Variants in TRPC7 observed in about 807,000 individuals in gnomAD.
The protein encoded by TRPC7 is transient receptor potential cation channel subfamily C member 7, also known as short transient receptor potential channel 7.
In TRPC7, 42 loss-of-function variants were observed where a neutral mutation model predicts 90.1. The observed-to-expected ratio is 0.47, with a 90% CI of 0.36 to 0.60. TRPC7 has a LOEUF of 0.60. Among genes scored for constraint, TRPC7 ranks in the 20% least tolerant of loss-of-function variants. The pLI, the probability that TRPC7 is intolerant of heterozygous loss-of-function variation, is 0.00. For synonymous variants in TRPC7, 451 were observed against 436.3 expected, an observed-to-expected ratio of 1.03 and a Z score of -0.42; for missense variants, 955 against 1,112.3, an observed-to-expected ratio of 0.86 and a Z score of 2.01.
intron 10 of TRPC7, among the ~76,000 whole-genome samples, chr5:136,224,860 T>A (rs1755577500): frequency 6.6e-6 from 1 of 152,226 alleles, no homozygotes; most frequent in Non-Finnish European, 1.5e-5. Context: ...GAAGGCCATA[T>A]ATGGCTGCCT....
intron 2 of TRPC7, among the ~76,000 whole-genome samples, chr5:136,318,158 T>A (rs1381450138): frequency 6.6e-6 from 1 of 152,194 alleles, no homozygotes; most frequent in Non-Finnish European, 1.5e-5. Context: ...TGAACATCTC[T>A]TGGGAATTGT....
intron 3 of TRPC7, among the ~76,000 whole-genome samples, chr5:136,306,217 C>A (rs1246516508): frequency 6.6e-6 from 1 of 152,184 alleles, no homozygotes; most frequent in Non-Finnish European, 1.5e-5. Context: ...GCTGGCAGGA[C>A]TATGCTGAAT....
chr5:136,339,801 C>G (rs1759785188), intron 2 of TRPC7, among the ~76,000 whole-genome samples: 1 of 151,978 alleles, frequency 6.6e-6, no homozygotes, highest in African/African-American at 2.4e-5. Flanking sequence ...TCCTGTCCTT[C>G]TGCTCAGCAG....
intron 2 of TRPC7, among the ~76,000 whole-genome samples, chr5:136,327,135 C>A (rs112427305): frequency 1.3e-5 from 2 of 152,098 alleles, no homozygotes; most frequent in African/African-American, 4.8e-5. Context: ...ACTGAGCCAG[C>A]GTGTTGGAAT....
rs1301320563 is a variant in TRPC7 at position 136,231,690 on chromosome 5, G to C, written c.1845-141C>G. On this transcript the variant is annotated intron_variant, in intron 7 of 11. Transcript: ENST00000513104. ...CTCAATCATGGCTCACTCTAGCCCT[G>C]ACCTCCTGGACTCAAGCAATTCTCC... is the stretch of plus-strand genomic sequence containing the variant. 1.7e-5 allele frequency: 12 copies of C among 720,130 alleles called. No homozygotes were observed. In the East Asian group the frequency reaches 3.1e-4, roughly 18 times the overall value. 44.6% of individuals were successfully genotyped at this position (720,130 alleles called of 1,614,324 possible). A position where few individuals can be genotyped will look rare whatever the true frequency, so the allele number is the denominator to read the frequency against.
intron 1 of TRPC7, 35 bp from the exon 2 acceptor site, chr5:136,357,420 C>T: frequency 6.5e-7 from 1 of 1,549,164 alleles, no homozygotes; most frequent in Non-Finnish European, 8.7e-7. Context: ...TGTTACTTTC[C>T]TGCGGATTCC....
chr5:136,326,904 T>C (rs893115364), intron 2 of TRPC7, among the ~76,000 whole-genome samples: 2 of 152,074 alleles, frequency 1.3e-5, no homozygotes, highest in Non-Finnish European at 2.9e-5. Context: ...AAAAGATGGC[T>C]TGATCAGTTC....
intron 3 of TRPC7, among the ~76,000 whole-genome samples, chr5:136,279,830 CCT>C (rs1202700011): frequency 1.3e-5 from 2 of 152,186 alleles, no homozygotes; most frequent in Admixed American, 6.5e-5. Flanking sequence ...GTAGCCACCC[CCT>C]GTCTATGTTC....
intron 2 of TRPC7, among the ~76,000 whole-genome samples, chr5:136,348,015 A>G (rs1760065696): frequency 6.6e-6 from 1 of 152,196 alleles, no homozygotes; most frequent in Non-Finnish European, 1.5e-5. Context: ...TTCTGCATTC[A>G]TATGTCACTC....
chr5:136,365,434 T>G lies in TRPC7; in HGVS notation c.-180A>C. 2 of 635,972 alleles carry G rather than the reference T, an allele frequency of 3.1e-6. No homozygotes were observed. Among genetic ancestry groups the G allele is most frequent in the East Asian group, 5.5e-5 (2 of 36,552 alleles). 39.4% of individuals were successfully genotyped at this position (635,972 alleles called of 1,614,324 possible). A position where few individuals can be genotyped will look rare whatever the true frequency, so the allele number is the denominator to read the frequency against. ...TGTGAAAGCGCGCTCCTCTGTTCTT[T>G]GTGTTGCAGTGGTAAAAACTCGCCT... On this transcript the variant is annotated 5_prime_UTR_variant, in exon 1 of 12. Transcript: ENST00000513104.
chr5:136,318,844 G>GT (rs373924272), intron 2 of TRPC7, among the ~76,000 whole-genome samples: 137 of 148,434 alleles, frequency 9.2e-4, no homozygotes, highest in East Asian at 4.3e-3. Context: ...TTTCACTGTT[G>GT]TTTTTTTTTT....
intron 3 of TRPC7, among the ~76,000 whole-genome samples, chr5:136,312,672 A>G (rs1463559721): frequency 6.6e-6 from 1 of 152,170 alleles, no homozygotes; most frequent in African/African-American, 2.4e-5. Flanking sequence ...CCCTTGAACC[A>G]TGGTGGGTGA....
At chr5:136,216,417 G>A in intron 10 of TRPC7, 142 bp from the exon 11 acceptor site, 1 of 688,104 alleles carries the variant, frequency 1.5e-6, no homozygotes, top group Non-Finnish European at 2.5e-6. Context: ...CACTCTGGAG[G>A]GGTGCCCTGC....
Position 136,266,227 on chromosome 5 carries a change from C to A in TRPC7, c.1338G>T (p.Trp446Cys). The A allele has an allele frequency of 6.2e-7, 1 of 1,613,388 alleles. No homozygotes were observed. The highest frequency in any genetic ancestry group is 8.5e-7 in the Non-Finnish European group (1 of 1,179,396). ...ATAGAGTGACTTGCTTACCTAAGAC[C>A]CACTTCATAATGAGCATTTCTGTCC... ...FSWTEMLIMK[W>C]VLGMIWSECK... Residue 446 changes from tryptophan (W) to cysteine (C), a missense_variant, in exon 5 of 12, where the codon TGG (tryptophan) becomes TGT (cysteine). This residue lies in a region of TRPC7 where 484 missense variants were observed against 509.6 expected (regional missense o/e 0.95). Coordinates refer to ENST00000513104, the MANE Select transcript of TRPC7 (RefSeq NM_020389.3).
rs998621765 is a variant in TRPC7 at position 136,257,861 on chromosome 5, A to G, written c.1346-5979T>C. Among the ~76,000 whole-genome samples, 8 of 152,306 alleles carry G rather than the reference A, an allele frequency of 5.3e-5. No homozygotes were observed. In the East Asian group the frequency reaches 1.3e-3, roughly 26 times the overall value. On this transcript the variant is annotated intron_variant, in intron 5 of 11. Transcript: ENST00000513104. ...CTCTACCCCCAAATTAAAAATCTCAACATCTGAGTGGAACTGCTTTTAGCA... is the reference window on the plus strand; with the variant it reads ...CTCTACCCCCAAATTAAAAATCTCAGCATCTGAGTGGAACTGCTTTTAGCA...
Position 136,247,518 on chromosome 5 carries a change from G to A in TRPC7, c.1797C>T (p.Asn599=). ...TGGCACCTCGGTAGTAAGAGTACAG[G>A]TTGAACATCCCAATCATGAAGGCCA... ...VFVAFMIGMF[N]LYSYYRGAKY... is the part of the protein sequence containing the mutation. The change falls in exon 7 of 12, where the codon AAC becomes AAT. Residue 599 remains asparagine (N), a synonymous_variant. Transcript: ENST00000513104. This position sits in a 1 kb window ranked among gnomAD's most constrained non-coding sequence, Gnocchi z 4.2. 6.2e-7 allele frequency: 1 copy of A among 1,613,924 alleles called. No homozygotes were observed.
At chr5:136,229,607 G>A (rs1755753471) in intron 8 of TRPC7, among the ~76,000 whole-genome samples, 1 of 152,152 alleles carries the variant, frequency 6.6e-6, no homozygotes, top group African/African-American at 2.4e-5. Context: ...ACATCTGCAA[G>A]CCAAGCAGAG....
chr5:136,320,317 T>A (rs1759150781), intron 2 of TRPC7, among the ~76,000 whole-genome samples: 1 of 152,208 alleles, frequency 6.6e-6, no homozygotes, highest in African/African-American at 2.4e-5. Context: ...CAAACCATCA[T>A]AATGTATTGC....
At chr5:136,352,026 C>T (rs529916245) in intron 2 of TRPC7, among the ~76,000 whole-genome samples, 6 of 152,258 alleles carry the variant, frequency 3.9e-5, no homozygotes, top group South Asian at 4.1e-4. Context: ...CGACAGCCTC[C>T]GTGCTATTTT....
Sources: allele counts gnomAD v4.1 joint callset (sites outside exome capture counted in the v4.1 genomes callset), GRCh38; gene constraint gnomAD v4.1.1; regional missense constraint gnomAD v4.1.1; non-coding constraint Gnocchi (gnomAD v3.1); transcripts MANE v1.5; gene names NCBI Gene and HGNC (gene_info 2026-07-23, HGNC 2026-07-21).